Variants in GUCY1A2 observed in about 807,000 individuals in gnomAD.
GUCY1A2 encodes the protein guanylate cyclase soluble subunit alpha-2.
GUCY1A2 carries 27 observed loss-of-function variants against 63.5 expected under a neutral mutation model. The ratio of observed to expected loss-of-function variants is 0.43; its 90% CI spans 0.31 to 0.59. GUCY1A2 has a LOEUF of 0.59. GUCY1A2 is among the 20% of genes least tolerant of loss of function. The probability of loss-of-function intolerance (pLI) is 0.11; values close to 1 mark genes in which losing one functional copy is unlikely to be tolerated. For synonymous variants in GUCY1A2, 364 were observed against 343.5 expected, an observed-to-expected ratio of 1.06 and a Z score of -0.66; for missense variants, 768 against 913.3, an observed-to-expected ratio of 0.84 and a Z score of 2.05.
intron 5 of GUCY1A2, among the ~76,000 whole-genome samples, chr11:106,793,909 A>C (rs1464270169): frequency 6.6e-6 from 1 of 152,126 alleles, no homozygotes; most frequent in South Asian, 2.1e-4. Context: ...TGAGGATGTA[A>C]ATTGGGTCAG....
At chr11:106,732,399 T>G (rs1863520616) in intron 6 of GUCY1A2, among the ~76,000 whole-genome samples, 3 of 152,204 alleles carry the variant, frequency 2.0e-5, no homozygotes, top group Admixed American at 1.3e-4. Flanking sequence ...TATTTTTATA[T>G]TCATATTCTT....
chr11:106,938,211 T>C (rs1860704905), intron 4 of GUCY1A2, among the ~76,000 whole-genome samples: 1 of 152,152 alleles, frequency 6.6e-6, no homozygotes, highest in Admixed American at 6.5e-5. Flanking sequence ...CCCAAAGTGT[T>C]GGGATTACAG....
intron 1 of GUCY1A2, among the ~76,000 whole-genome samples, chr11:107,002,018 C>CA (rs142852537): frequency 0.023 from 2,276 of 100,512 alleles, 22 homozygotes; most frequent in Admixed American, 0.05. Flanking sequence ...GACTCTGTCT[C>CA]AAAAAAAAAA....
chr11:106,818,549 A>G (rs1210523757), intron 4 of GUCY1A2, among the ~76,000 whole-genome samples: 1 of 152,138 alleles, frequency 6.6e-6, no homozygotes, highest in Non-Finnish European at 1.5e-5. Context: ...CCAATGAATA[A>G]CACTACAATG....
intron 4 of GUCY1A2, among the ~76,000 whole-genome samples, chr11:106,820,897 A>G (rs79460569): frequency 6.6e-6 from 1 of 152,320 alleles, no homozygotes; most frequent in East Asian, 1.9e-4. Flanking sequence ...CATTAAATAA[A>G]CAAAAATACC....
rs139286125 is a variant in GUCY1A2 at position 106,994,912 on chromosome 11, T to A, written c.304-8781A>T. On this transcript the variant is annotated intron_variant, in intron 1 of 7. Coordinates refer to ENST00000526355, the MANE Select transcript of GUCY1A2 (RefSeq NM_000855.3). ...TATTACTTAAATAGGTCCAGTATGCTCATTAACTTCTTAATAGTGAGATTT... is the reference window on the plus strand; with the variant it reads ...TATTACTTAAATAGGTCCAGTATGCACATTAACTTCTTAATAGTGAGATTT... Among the ~76,000 whole-genome samples, 102 of 152,338 alleles carry A rather than the reference T, an allele frequency of 6.7e-4. 1 individual carries two copies. In the East Asian group the frequency reaches 0.014, roughly 21 times the overall value.
intron 5 of GUCY1A2, among the ~76,000 whole-genome samples, chr11:106,797,439 C>T (rs1289130148): frequency 6.6e-6 from 1 of 152,122 alleles, no homozygotes; most frequent in Non-Finnish European, 1.5e-5. Flanking sequence ...ACCTAATAGA[C>T]ATCTACAGAA....
At chr11:106,844,011 T>C (rs764854110) in intron 4 of GUCY1A2, among the ~76,000 whole-genome samples, 22 of 151,796 alleles carry the variant, frequency 1.4e-4, no homozygotes, top group Non-Finnish European at 2.7e-4. Context: ...AAGAAGTCAT[T>C]ATATGAAAAA....
chr11:106,929,509 A>G (rs1860573156), intron 4 of GUCY1A2, among the ~76,000 whole-genome samples: 1 of 151,764 alleles, frequency 6.6e-6, no homozygotes, highest in African/African-American at 2.4e-5. Flanking sequence ...AAAAGAAAAC[A>G]GAATCAAAGT....
intron 4 of GUCY1A2, among the ~76,000 whole-genome samples, chr11:106,916,774 C>T (rs1860375647): frequency 6.9e-6 from 1 of 145,362 alleles, no homozygotes; most frequent in African/African-American, 2.4e-5. Flanking sequence ...TTACTGACAT[C>T]ATCACAGGAA....
intron 4 of GUCY1A2, among the ~76,000 whole-genome samples, chr11:106,856,109 T>G (rs1859430724): frequency 6.6e-6 from 1 of 151,006 alleles, no homozygotes; most frequent in South Asian, 2.1e-4. Context: ...TTTTGTATTT[T>G]TTTTTTGGAG....
intron 5 of GUCY1A2, among the ~76,000 whole-genome samples, chr11:106,799,017 T>C (rs192836127): frequency 2.6e-3 from 403 of 152,278 alleles, no homozygotes; most frequent in African/African-American, 9.3e-3. Flanking sequence ...GAAAACCCCA[T>C]TGTCTCAGCC....
chr11:106,688,153 A>G (rs1458126602), intron 7 of GUCY1A2, among the ~76,000 whole-genome samples: 3 of 152,180 alleles, frequency 2.0e-5, no homozygotes, highest in Non-Finnish European at 4.4e-5. Flanking sequence ...AACCTGCCCA[A>G]ATTCTAGTGC....
chr11:106,971,219 ATGTGTG>A (rs67190015), intron 3 of GUCY1A2, among the ~76,000 whole-genome samples: 1 of 149,162 alleles, frequency 6.7e-6, no homozygotes, highest in African/African-American at 2.5e-5. Context: ...ACAAATTTAA[ATGTGTG>A]TGTGTGTGTG....
At position 106,801,714 on chromosome 11, in the gene GUCY1A2, G is replaced by T. The variant is rs537779685; in HGVS notation, c.1692+8279C>A. Among the ~76,000 whole-genome samples, 133 of 152,040 alleles carry T rather than the reference G, an allele frequency of 8.7e-4. 1 individual carries two copies. The highest frequency in any genetic ancestry group is 3.2e-3 in the African/African-American group (131 of 41,482). On this transcript the variant is annotated intron_variant, in intron 5 of 7. Transcript: ENST00000526355. ...ATAATTTAATTGTACATTTTAAAAG[G>T]GTCTAACTGGATTGTTTGTAACACA...
At chr11:106,988,372 T>C (rs1861428013) in intron 1 of GUCY1A2, among the ~76,000 whole-genome samples, 2 of 152,178 alleles carry the variant, frequency 1.3e-5, no homozygotes, top group Non-Finnish European at 2.9e-5. Context: ...GGGATGATCC[T>C]TCCAATAACC....
intron 7 of GUCY1A2, among the ~76,000 whole-genome samples, chr11:106,698,119 ATTT>A (rs71470827): frequency 7.0e-5 from 7 of 100,478 alleles, no homozygotes; most frequent in African/African-American, 2.8e-4. Context: ...GAATGTTAGA[ATTT>A]TTTTTTTTTT....
intron 4 of GUCY1A2, among the ~76,000 whole-genome samples, chr11:106,894,862 A>G (rs1013081083): frequency 9.2e-5 from 14 of 152,146 alleles, no homozygotes; most frequent in African/African-American, 3.4e-4. Context: ...AAAAGAAGAA[A>G]AAATTAAATC....
chr11:106,758,730 G>A (rs1437795744), intron 6 of GUCY1A2, among the ~76,000 whole-genome samples: 2 of 152,224 alleles, frequency 1.3e-5, no homozygotes, highest in Non-Finnish European at 2.9e-5. Context: ...GCAATGAAGA[G>A]TCAACAGAGT....
Sources: allele counts gnomAD v4.1 joint callset (sites outside exome capture counted in the v4.1 genomes callset), GRCh38; gene constraint gnomAD v4.1.1; transcripts MANE v1.5; gene names NCBI Gene and HGNC (gene_info 2026-07-23, HGNC 2026-07-21).